The following EBF1 variants were observed in gnomAD, a reference collection of about 807,000 sequenced individuals.
EBF1 encodes the protein transcription factor COE1.
A neutral mutation model predicts 68.4 loss-of-function variants in EBF1; 10 were observed. The ratio of observed to expected loss-of-function variants is 0.15; its 90% CI spans 0.09 to 0.25. EBF1 has a LOEUF of 0.25. EBF1 is among the 10% of genes least tolerant of loss of function. The probability of loss-of-function intolerance (pLI) is 1.00; values close to 1 mark genes in which losing one functional copy is unlikely to be tolerated. For synonymous variants in EBF1, 298 were observed against 299.8 expected, an observed-to-expected ratio of 0.99 and a Z score of 0.06; for missense variants, 509 against 794.4, an observed-to-expected ratio of 0.64 and a Z score of 4.32.
chr5:158,927,879 A>G (rs1810019187), intron 6 of EBF1, among the ~76,000 whole-genome samples: 1 of 152,244 alleles, frequency 6.6e-6, no homozygotes, highest in South Asian at 2.1e-4. Context: ...TTTACAGTTG[A>G]GGAAGCTCAG....
chr5:159,084,886 G>T, intron 4 of EBF1, 147 bp from the exon 5 acceptor site: 1 of 560,016 alleles, frequency 1.8e-6, no homozygotes, highest in Non-Finnish European at 2.9e-6. Context: ...TTGATCGTCT[G>T]AAGGTATGAT....
At chr5:158,755,994 T>C (rs1287021311) in intron 10 of EBF1, among the ~76,000 whole-genome samples, 1 of 152,164 alleles carries the variant, frequency 6.6e-6, no homozygotes, top group Admixed American at 6.6e-5. Flanking sequence ...TTTCTTAAAT[T>C]TCCTAACTTG....
chr5:158,767,157 A>G (rs1772883597), intron 10 of EBF1, among the ~76,000 whole-genome samples: 1 of 152,182 alleles, frequency 6.6e-6, no homozygotes, highest in Non-Finnish European at 1.5e-5. Context: ...GTGAGAGCTT[A>G]TCTGTCTCTT....
chr5:158,787,646 G>A (rs1261356551), intron 9 of EBF1, among the ~76,000 whole-genome samples: 1 of 152,154 alleles, frequency 6.6e-6, no homozygotes, highest in African/African-American at 2.4e-5. Context: ...TCAGCTGTGG[G>A]ACCTTTGGAA....
intron 10 of EBF1, among the ~76,000 whole-genome samples, chr5:158,751,291 C>A (rs922086548): frequency 2.6e-5 from 4 of 151,718 alleles, no homozygotes; most frequent in East Asian, 1.9e-4. Flanking sequence ...GAGAGACGGG[C>A]GAATGAACAA....
chr5:158,716,512 C>T (rs539713580), intron 11 of EBF1, among the ~76,000 whole-genome samples: 2 of 152,276 alleles, frequency 1.3e-5, no homozygotes, highest in South Asian at 2.1e-4. Context: ...GAAAGGGACA[C>T]CCTTAAATAA....
chr5:159,012,953 T>C (rs1214117008), intron 6 of EBF1, among the ~76,000 whole-genome samples: 1 of 152,094 alleles, frequency 6.6e-6, no homozygotes, highest in Admixed American at 6.5e-5. Flanking sequence ...GAAGACGGCG[T>C]CTACGAGCCA....
intron 6 of EBF1, among the ~76,000 whole-genome samples, chr5:158,996,416 T>C (rs978812537): frequency 1.3e-5 from 2 of 152,232 alleles, no homozygotes; most frequent in Non-Finnish European, 2.9e-5. Flanking sequence ...GATTGTTGTC[T>C]AGATTTGGAC....
intron 6 of EBF1, among the ~76,000 whole-genome samples, chr5:158,963,443 T>C (rs1323294581): frequency 6.6e-6 from 1 of 152,208 alleles, no homozygotes; most frequent in Non-Finnish European, 1.5e-5. Flanking sequence ...CAATTCAAGC[T>C]TAGAGAATAC....
intron 7 of EBF1, among the ~76,000 whole-genome samples, chr5:158,827,769 G>A (rs1786513023): frequency 6.6e-6 from 1 of 152,162 alleles, no homozygotes; most frequent in South Asian, 2.1e-4. Flanking sequence ...AGTTTGTGGG[G>A]AAGAAGGGGT....
chr5:158,791,059 G>T (rs1381681848), intron 9 of EBF1, among the ~76,000 whole-genome samples: 1 of 152,160 alleles, frequency 6.6e-6, no homozygotes, highest in African/African-American at 2.4e-5. Flanking sequence ...AGTCACTCAT[G>T]CCTGTAATCC....
intron 8 of EBF1, among the ~76,000 whole-genome samples, chr5:158,805,960 T>G (rs957248656): frequency 2.0e-5 from 3 of 149,698 alleles, no homozygotes; most frequent in African/African-American, 5.0e-5. Context: ...AGGAGGCATG[T>G]TTTTTTTTGC....
intron 10 of EBF1, among the ~76,000 whole-genome samples, chr5:158,770,244 C>G (rs1336088146): frequency 6.6e-6 from 1 of 152,028 alleles, no homozygotes; most frequent in Non-Finnish European, 1.5e-5. Context: ...TCTAACCCAT[C>G]AAGTCCTTTC....
At chr5:159,096,186 G>T in intron 3 of EBF1, 157 bp downstream of exon 3, 1 of 777,882 alleles carries the variant, frequency 1.3e-6, no homozygotes, top group Non-Finnish European at 2.0e-6. Flanking sequence ...CTCCTCAGGT[G>T]AAACCTCCTG....
chr5:158,927,967 C>G (rs1435788805), intron 6 of EBF1, among the ~76,000 whole-genome samples: 2 of 152,198 alleles, frequency 1.3e-5, no homozygotes, highest in Non-Finnish European at 2.9e-5. Flanking sequence ...ACCCAGGCAG[C>G]CTGCCTAAAA....
chr5:159,007,014 T>C (rs1396821794), intron 6 of EBF1, among the ~76,000 whole-genome samples: 1 of 152,174 alleles, frequency 6.6e-6, no homozygotes, highest in Non-Finnish European at 1.5e-5. Flanking sequence ...AAATGTACCG[T>C]TGGTGGGGGC....
chr5:158,898,826 G>C (rs1169646198), intron 6 of EBF1, among the ~76,000 whole-genome samples: 2 of 152,296 alleles, frequency 1.3e-5, no homozygotes, highest in South Asian at 4.1e-4. Context: ...CCACGTTACA[G>C]GGCAGTGAAA....
chr5:158,914,930 A>G (rs1472849248), intron 6 of EBF1, among the ~76,000 whole-genome samples: 2 of 152,182 alleles, frequency 1.3e-5, no homozygotes, highest in Non-Finnish European at 2.9e-5. Flanking sequence ...CTGAAATATT[A>G]CTGAATGCCG....
At chr5:158,746,292 T>A (rs1767546636) in intron 10 of EBF1, among the ~76,000 whole-genome samples, 1 of 152,186 alleles carries the variant, frequency 6.6e-6, no homozygotes, top group Non-Finnish European at 1.5e-5. Context: ...TTAATGGAGA[T>A]AATGAGAACT....
Sources: gnomAD v4.1 joint callset for allele counts (sites outside exome capture counted in the v4.1 genomes callset) on GRCh38, gnomAD v4.1.1 for gene constraint, MANE v1.5 for transcripts, NCBI Gene and HGNC (gene_info 2026-07-23, HGNC 2026-07-21) for gene names.